ROBO2: variants seen among roughly 807,000 people sequenced by gnomAD.
ROBO2 encodes the protein roundabout homolog 2.
ROBO2 carries 53 observed loss-of-function variants against 160.8 expected under a neutral mutation model. That is an observed-to-expected ratio of 0.33 (90% CI 0.26 to 0.41). ROBO2 has a LOEUF of 0.41. ROBO2 is among the 10% of genes least tolerant of loss of function. The pLI is 1.00. For missense variants in ROBO2, 1,577 were observed against 1,722.4 expected (o/e 0.92, Z 1.49); for synonymous variants, 664 against 611.7 (o/e 1.09, Z -1.26).
intron 2 of ROBO2, among the ~76,000 whole-genome samples, chr3:76,200,285 C>G (rs1702461407): frequency 6.6e-6 from 1 of 152,078 alleles, no homozygotes; most frequent in African/African-American, 2.4e-5. Flanking sequence ...GTGCCTTTTC[C>G]ATCAACAAGG....
chr3:76,731,328 A>G (rs1171215419), intron 2 of ROBO2, among the ~76,000 whole-genome samples: 1 of 152,196 alleles, frequency 6.6e-6, no homozygotes, highest in East Asian at 1.9e-4. Context: ...ATGCCAAGGG[A>G]AGACACTGGG....
At chr3:76,327,463 G>T (rs2073121353) in intron 2 of ROBO2, among the ~76,000 whole-genome samples, 1 of 152,032 alleles carries the variant, frequency 6.6e-6, no homozygotes, top group African/African-American at 2.4e-5. Context: ...ATTATTAAAA[G>T]CTAGCTAGAA....
intron 2 of ROBO2, among the ~76,000 whole-genome samples, chr3:77,373,287 T>C (rs2072088210): frequency 6.6e-6 from 1 of 151,204 alleles, no homozygotes. Context: ...TCAAGCCATA[T>C]TTAGTTGCAC....
intron 2 of ROBO2, among the ~76,000 whole-genome samples, chr3:76,015,598 C>G (rs1201952476): frequency 6.6e-6 from 1 of 152,122 alleles, no homozygotes; most frequent in African/African-American, 2.4e-5. Flanking sequence ...TTCTTATGTT[C>G]TGGTATGGGA....
intron 2 of ROBO2, among the ~76,000 whole-genome samples, chr3:76,195,659 A>C (rs920015132): frequency 5.3e-5 from 8 of 152,238 alleles, no homozygotes; most frequent in Admixed American, 5.2e-4. Flanking sequence ...AGATACACAC[A>C]TGAAATGTGG....
intron 2 of ROBO2, among the ~76,000 whole-genome samples, chr3:76,398,087 A>C (rs1185504210): frequency 6.6e-6 from 1 of 152,136 alleles, no homozygotes; most frequent in Non-Finnish European, 1.5e-5. Context: ...AATGTCCAAC[A>C]ATGATAGACT....
chr3:75,945,536 G>T (rs1948251236), intron 2 of ROBO2, among the ~76,000 whole-genome samples: 1 of 152,026 alleles, frequency 6.6e-6, no homozygotes, highest in South Asian at 2.1e-4. Flanking sequence ...AATTCATTAT[G>T]AATTTTAAAC....
At chr3:76,115,972 G>A (rs1296330340) in intron 2 of ROBO2, among the ~76,000 whole-genome samples, 2 of 152,114 alleles carry the variant, frequency 1.3e-5, no homozygotes, top group African/African-American at 2.4e-5. Context: ...ACATTTTAAA[G>A]ATCATGTATG....
chr3:76,982,665 T>C (rs150444066), intron 2 of ROBO2, among the ~76,000 whole-genome samples: 3 of 152,324 alleles, frequency 2.0e-5, no homozygotes, highest in East Asian at 3.9e-4. Context: ...ATGAAAGAAT[T>C]ATGGGGCACG....
chr3:77,365,587 G>T (rs2070740695), intron 2 of ROBO2, among the ~76,000 whole-genome samples: 1 of 152,134 alleles, frequency 6.6e-6, no homozygotes, highest in Admixed American at 6.6e-5. Context: ...ACCTTAGAAA[G>T]ATTCATCACT....
At chr3:76,836,860 G>A (rs962214977) in intron 2 of ROBO2, among the ~76,000 whole-genome samples, 5 of 151,842 alleles carry the variant, frequency 3.3e-5, no homozygotes, top group African/African-American at 1.2e-4. Flanking sequence ...TTCTTCTGCT[G>A]TTGGGTGGAG....
At chr3:77,521,572 A>G (rs1016080424) in intron 5 of ROBO2, among the ~76,000 whole-genome samples, 2 of 151,272 alleles carry the variant, frequency 1.3e-5, no homozygotes, top group African/African-American at 4.8e-5. Flanking sequence ...AATAAGCAGA[A>G]TTTTAAGGCA....
At chr3:76,666,848 T>A (rs1210814613) in intron 2 of ROBO2, among the ~76,000 whole-genome samples, 1 of 152,110 alleles carries the variant, frequency 6.6e-6, no homozygotes, top group Non-Finnish European at 1.5e-5. Context: ...GTTAAAAAAA[T>A]AACTAATAAT....
intron 14 of ROBO2, among the ~76,000 whole-genome samples, chr3:77,577,043 C>G (rs569438058): frequency 1.5e-4 from 23 of 152,160 alleles, no homozygotes; most frequent in African/African-American, 5.5e-4. Context: ...TTTAGAAAGA[C>G]AGTCTATTAG....
chr3:77,308,211 C>CT lies in ROBO2; in HGVS notation c.389-169199dup, dbSNP rs199655907. 6.6e-3 allele frequency among the ~76,000 whole-genome samples: 991 copies of CT among 151,250 alleles called. 5 individuals are homozygous for CT. Among genetic ancestry groups the CT allele is most frequent in the African/African-American group, 0.014 (593 of 41,262 alleles). ...ATTTTTGGAAAATGCGGCAATCGTTCTTTTCATGTGAGAGATAACAAGTCT... is the reference window on the plus strand; with the variant it reads ...ATTTTTGGAAAATGCGGCAATCGTTCTTTTTCATGTGAGAGATAACAAGTCT... On this transcript the variant is annotated intron_variant, in intron 2 of 25. Coordinates refer to ENST00000461745, the Ensembl canonical transcript of ROBO2.
intron 2 of ROBO2, among the ~76,000 whole-genome samples, chr3:76,758,201 T>C (rs1330042398): frequency 6.6e-6 from 1 of 151,620 alleles, no homozygotes; most frequent in Non-Finnish European, 1.5e-5. Flanking sequence ...TTTTGTTCCA[T>C]GGAAAAAAAA....
chr3:76,080,834 G>A (rs955035668), intron 2 of ROBO2, among the ~76,000 whole-genome samples: 1 of 151,910 alleles, frequency 6.6e-6, no homozygotes, highest in Non-Finnish European at 1.5e-5. Context: ...TTTTCTTTGC[G>A]GTACTGCAAT....
chr3:76,098,829 G>A (rs780312038), intron 2 of ROBO2, among the ~76,000 whole-genome samples: 12 of 151,986 alleles, frequency 7.9e-5, no homozygotes, highest in Non-Finnish European at 1.6e-4. Flanking sequence ...TCGAGTTCAT[G>A]TTCTGAAAGC....
intron 2 of ROBO2, among the ~76,000 whole-genome samples, chr3:77,387,670 G>C (rs752889591): frequency 1.1e-4 from 16 of 151,594 alleles, no homozygotes; most frequent in Non-Finnish European, 1.2e-4. Context: ...AAGCTGAGTC[G>C]TACAAGAATC....
Sources: gnomAD v4.1 joint callset for allele counts (sites outside exome capture counted in the v4.1 genomes callset) on GRCh38, gnomAD v4.1.1 for gene constraint, MANE v1.5 for transcripts, NCBI Gene and HGNC (gene_info 2026-07-23, HGNC 2026-07-21) for gene names.